Variants in ETV3 observed in about 807,000 individuals in gnomAD.
ETV3 encodes the protein ETS translocation variant 3.
ETV3 carries 8 observed loss-of-function variants against 33.0 expected under a neutral mutation model. The observed-to-expected ratio is 0.24, with a 90% CI of 0.14 to 0.44. ETV3 has a LOEUF of 0.44. Ranked by LOEUF, ETV3 falls within the 20% of genes least tolerant of loss-of-function variation. The pLI is 1.00. For synonymous variants in ETV3, 222 were observed against 238.9 expected, an observed-to-expected ratio of 0.93 and a Z score of 0.65; for missense variants, 473 against 652.3, an observed-to-expected ratio of 0.73 and a Z score of 2.99.
At chr1:157,135,816 A>T (rs1675095637) in intron 2 of ETV3, 108 bp from the exon 3 acceptor site, 2 of 1,122,138 alleles carry the variant, frequency 1.8e-6, no homozygotes, top group African/African-American at 1.5e-5. Flanking sequence ...CTTTGCAAAC[A>T]TGCTGTAAGT....
rs1674733965 is a variant in ETV3 at position 157,122,814 on chromosome 1, G to A, written c.*2027C>T. 1 of 152,376 alleles carries A rather than the reference G, an allele frequency of 6.6e-6. No homozygotes were observed. The highest frequency in any genetic ancestry group is 2.1e-4 in the South Asian group (1 of 4,832). The allele number at this position is 152,376 out of a possible 1,614,324, so 9.4% of individuals were successfully genotyped here. A position where few individuals can be genotyped will look rare whatever the true frequency, so the allele number is the denominator to read the frequency against. ...TACAAAAGCACAACCACCAAAGGCA[G>A]CCTGAACGGGGAGCCCTGTGCAGAC... On this transcript the variant is annotated 3_prime_UTR_variant, in exon 5 of 5. Transcript: ENST00000368192.
chr1:157,133,729 G>A (rs1053570088), intron 4 of ETV3: 11 of 1,003,556 alleles, frequency 1.1e-5, no homozygotes, highest in Admixed American at 5.8e-5. Context: ...ACAGAAAATC[G>A]GAAGTGTTTG....
intron 4 of ETV3, among the ~76,000 whole-genome samples, chr1:157,129,954 C>T (rs1037885667): frequency 6.6e-6 from 1 of 152,032 alleles, no homozygotes; most frequent in African/African-American, 2.4e-5. Context: ...AGCAATTCTT[C>T]TGCCTCAGCC....
Position 157,125,016 on chromosome 1 carries a change from G to C in ETV3, c.1364C>G (p.Pro455Arg). The C allele has an allele frequency of 6.4e-7, 1 of 1,551,708 alleles. No individual in the cohort carries two copies. Among genetic ancestry groups the C allele is most frequent in the African/African-American group, 1.4e-5 (1 of 73,156 alleles). The stretch of plus-strand genomic sequence containing the variant: ...CTCAGGTGCACTGGGCTCTTTGCCA[G>C]GCCTATCCTCACTGTCTTCAGTCAC... ...LEVTEDSEDR[P>R]GKEPSAPEKK... The change falls in exon 5 of 5, where the codon CCT becomes CGT. Residue 455 changes from proline to arginine, a missense_variant. Physicochemically the swap from Pro to Arg is moderately radical, Grantham distance 103. Transcript: ENST00000368192. This position sits in a 1 kb window ranked among gnomAD's most constrained non-coding sequence, Gnocchi z 4.0.
At position 157,134,200 on chromosome 1, in the gene ETV3, A is replaced by G. The variant is rs377561731; in HGVS notation, c.312T>C (p.His104=). Residue 104 remains histidine, a synonymous_variant, in exon 4 of 5, where the codon CAT becomes CAC. Coordinates refer to ENST00000368192, the MANE Select transcript of ETV3 (RefSeq NM_001145312.3). ...AGGTAAATCTTTTCCCTTTTGTTTT[A>G]TGAAGGATCCTCTTGTTGTAATAGT... is the stretch of plus-strand genomic sequence containing the variant. ...LRYYYNKRIL[H]KTKGKRFTYK... is the part of the protein sequence containing the mutation. 1.9e-6 allele frequency: 3 copies of G among 1,613,718 alleles called. No homozygotes were observed.
In ETV3 at chr1:157,123,781, G is replaced by C. The variant is rs1674759095; in HGVS notation, c.*1060C>G. 1 of 152,154 alleles carries C rather than the reference G, an allele frequency of 6.6e-6. No individual in the cohort carries two copies. The highest frequency in any genetic ancestry group is 1.5e-5 in the Non-Finnish European group (1 of 68,036). The allele number at this position is 152,154 out of a possible 1,614,324, so 9.4% of individuals were successfully genotyped here. On this transcript the variant is annotated 3_prime_UTR_variant, in exon 5 of 5. Transcript: ENST00000368192. ...GCCCTTTTACAGGTTTATGGTGACAGACCCGTATCATCTTAAAGTATGTTC... is the reference window on the plus strand; with the variant it reads ...GCCCTTTTACAGGTTTATGGTGACACACCCGTATCATCTTAAAGTATGTTC...
intron 2 of ETV3, 88 bp downstream of exon 2, chr1:157,136,219 G>A (rs897578191): frequency 7.8e-7 from 1 of 1,280,582 alleles, no homozygotes. Flanking sequence ...GTCATGGTCT[G>A]ACATTTGTGA....
chr1:157,130,991 A>ACTTAATCT (rs1245075189), intron 4 of ETV3, among the ~76,000 whole-genome samples: 2 of 152,228 alleles, frequency 1.3e-5, no homozygotes, highest in Non-Finnish European at 2.9e-5. Flanking sequence ...GATGTCTGCA[A>ACTTAATCT]CTTAATCTCA....
At chr1:157,128,681 ACTGC>A (rs902010315) in intron 4 of ETV3, 27 of 182,228 alleles carry the variant, frequency 1.5e-4, no homozygotes, top group Non-Finnish European at 3.1e-4. Flanking sequence ...ATAATTGGAC[ACTGC>A]CTTATTTATT....
chr1:157,133,490 G>A, intron 4 of ETV3: 4 of 985,864 alleles, frequency 4.1e-6, no homozygotes, highest in Non-Finnish European at 4.8e-6. Flanking sequence ...AAGAGAGAAT[G>A]TGGGGAGCTG....
chr1:157,130,390 A>G (rs2103202941), intron 4 of ETV3, among the ~76,000 whole-genome samples: 1 of 152,322 alleles, frequency 6.6e-6, no homozygotes, highest in Admixed American at 6.5e-5. Context: ...GATTTTGCTT[A>G]GAAAAAAAGT....
intron 4 of ETV3, among the ~76,000 whole-genome samples, chr1:157,127,538 T>C (rs970327137): frequency 6.6e-6 from 1 of 151,114 alleles, no homozygotes; most frequent in Non-Finnish European, 1.5e-5. Context: ...GCTACTTATG[T>C]CAACTTTTTT....
intron 1 of ETV3, among the ~76,000 whole-genome samples, chr1:157,137,431 C>G (rs1558033088): frequency 1.3e-5 from 2 of 151,706 alleles, no homozygotes; most frequent in Non-Finnish European, 2.9e-5. Context: ...ATTAAGGAGA[C>G]CAGCAAGTGT....
chr1:157,121,617 T>C lies in ETV3; in HGVS notation c.*3224A>G, dbSNP rs183842924. On this transcript the variant is annotated 3_prime_UTR_variant, in exon 5 of 5. Transcript: ENST00000368192. ...CAAGAATGGAACAGTTCTTGAAAGATTGAATCAAAGTTGTCTTCTAAACAA... is the reference window on the plus strand; with the variant it reads ...CAAGAATGGAACAGTTCTTGAAAGACTGAATCAAAGTTGTCTTCTAAACAA... The C allele has an allele frequency of 6.3e-4, 96 of 152,336 alleles. No homozygotes were observed. Among genetic ancestry groups the C allele is most frequent in the African/African-American group, 2.2e-3 (93 of 41,578 alleles). The allele number at this position is 152,336 out of a possible 1,614,324, so 9.4% of individuals were successfully genotyped here.
rs746132481 is a variant in ETV3, at chr1:157,135,593, G to A, written c.162C>T (p.Ile54=). The change falls in exon 3 of 5, where the codon ATC becomes ATT. Residue 54 remains isoleucine, a synonymous_variant. Coordinates refer to ENST00000368192, the MANE Select transcript of ETV3 (RefSeq NM_001145312.3). ...CCCCGTACTCTCCCTGCTGCCAGGC[G>A]ATGACATGGCGGAACTCTTCCTTCT... ...LLQKEEFRHV[I]AWQQGEYGEF... The A allele has an allele frequency of 8.6e-5, 139 of 1,613,958 alleles. No individual in the cohort carries two copies. Among genetic ancestry groups the A allele is most frequent in the Middle Eastern group, 3.3e-4 (2 of 6,074 alleles).
intron 4 of ETV3, among the ~76,000 whole-genome samples, chr1:157,130,710 T>C (rs1433727303): frequency 6.6e-6 from 1 of 152,228 alleles, no homozygotes. Context: ...GGCCTATTGT[T>C]ATGACGATTA....
At position 157,125,536 on chromosome 1, in the gene ETV3, G is replaced by C; in HGVS notation, c.844C>G (p.Leu282Val). The stretch of plus-strand genomic sequence containing the variant: ...CAGCTGCTGCTGGTGAAAGGGCTCA[G>C]GCCTGGTGATGGGCTATAGGAGAAG... ...TIFSYSPSPG[L>V]SPFTSSSCFS... Residue 282 changes from leucine (L) to valine (V), a missense_variant, in exon 5 of 5, where the codon CTG becomes GTG. By Grantham distance (32) the Leu-to-Val change is conservative. Around this residue, in one of 3 missense-constraint regions of ETV3, gnomAD observed 410 missense variants for 520.2 expected, o/e 0.79. Transcript: ENST00000368192. This position sits in a 1 kb window ranked among gnomAD's most constrained non-coding sequence, Gnocchi z 4.0. The C allele has an allele frequency of 6.4e-7, 1 of 1,552,072 alleles. No homozygotes were observed. The highest frequency in any genetic ancestry group is 8.7e-7 in the Non-Finnish European group (1 of 1,147,078).
At chr1:157,131,285 A>C (rs1419509681) in intron 4 of ETV3, among the ~76,000 whole-genome samples, 1 of 152,212 alleles carries the variant, frequency 6.6e-6, no homozygotes, top group Non-Finnish European at 1.5e-5. Flanking sequence ...AATATAAGAA[A>C]ATATTTTAAT....
At chr1:157,136,452 T>C in intron 1 of ETV3, 87 bp from the exon 2 acceptor site, 1 of 1,213,446 alleles carries the variant, frequency 8.2e-7, no homozygotes, top group Non-Finnish European at 1.2e-6. Flanking sequence ...TCCCCAAACT[T>C]CCTTTCCCCT....
Sources: gnomAD v4.1 joint callset for allele counts (sites outside exome capture counted in the v4.1 genomes callset) on GRCh38, gnomAD v4.1.1 for gene constraint, gnomAD v4.1.1 regional missense constraint, Gnocchi (gnomAD v3.1) non-coding constraint, MANE v1.5 for transcripts, NCBI Gene and HGNC (gene_info 2026-07-23, HGNC 2026-07-21) for gene names.